The following CTSH variants were observed in gnomAD, a reference collection of about 807,000 sequenced individuals.
CTSH encodes cathepsin H, also known as pro-cathepsin H.
CTSH carries 52 observed loss-of-function variants against 56.3 expected under a neutral mutation model. The observed-to-expected ratio is 0.92, with a 90% CI of 0.74 to 1.16. The LOEUF is 1.16. Among genes scored for constraint, CTSH ranks in the 50% most tolerant of loss-of-function variants. The pLI is 0.00. For missense variants in CTSH, 406 were observed against 424.5 expected (o/e 0.96, Z 0.38); for synonymous variants, 174 against 155.7 (o/e 1.12, Z -0.88).
At chr15:78,924,365 C>T (rs888350531) in intron 10 of CTSH, among the ~76,000 whole-genome samples, 3 of 152,060 alleles carry the variant, frequency 2.0e-5, no homozygotes, top group Non-Finnish European at 4.4e-5. Flanking sequence ...AGGCAGACAG[C>T]TCCCAGTGGA....
intron 4 of CTSH, among the ~76,000 whole-genome samples, 176 bp from the exon 5 acceptor site, chr15:78,935,258 T>G (rs904283744): frequency 8.5e-5 from 13 of 152,162 alleles, no homozygotes; most frequent in African/African-American, 2.9e-4. Flanking sequence ...ACATGTCCCC[T>G]TGAGAGTCCA....
chr15:78,932,075 C>T (rs2055073149), intron 6 of CTSH: 1 of 1,256,952 alleles, frequency 8.0e-7, no homozygotes, highest in Non-Finnish European at 1.0e-6. Flanking sequence ...TGGCTACCCA[C>T]CAGGCAGGCT....
chr15:78,922,337 T>C, intron 11 of CTSH, 132 bp from the exon 12 acceptor site: 1 of 709,010 alleles, frequency 1.4e-6, no homozygotes, highest in South Asian at 1.7e-5. Flanking sequence ...ACAGTAGCAT[T>C]CGGCTTATTT....
intron 1 of CTSH, 174 bp downstream of exon 1, chr15:78,944,717 C>G: frequency 8.0e-7 from 1 of 1,242,918 alleles, no homozygotes; most frequent in Non-Finnish European, 1.0e-6. Flanking sequence ...CTCCGAGAAC[C>G]CCCGCCTATA....
In CTSH at chr15:78,925,416, C is replaced by T; in HGVS notation, c.724G>A (p.Ala242Thr). The T allele has an allele frequency of 6.2e-7, 1 of 1,613,714 alleles. No individual in the cohort carries two copies. The highest frequency in any genetic ancestry group is 8.5e-7 in the Non-Finnish European group (1 of 1,179,636). ...TIYDEEAMVE[A>T]VALYNPVSFA... ...CTCACAGGGTTGTAGAGGGCCACAG[C>T]CTCCACCATCGCTTCCTCGTCATAC... is the stretch of plus-strand genomic sequence containing the variant. Residue 242 changes from alanine to threonine, a missense_variant, in exon 10 of 12, where the codon GCT becomes ACT. Physicochemically the swap from Ala to Thr is moderately conservative, Grantham distance 58. Coordinates refer to ENST00000220166, the MANE Select transcript of CTSH (RefSeq NM_004390.5).
chr15:78,927,335 G>A, intron 9 of CTSH: 1 of 278,052 alleles, frequency 3.6e-6, no homozygotes. Flanking sequence ...TATTGCAACA[G>A]AACCTGGCTC....
intron 6 of CTSH, chr15:78,931,718 AAGC>A: frequency 1.4e-6 from 2 of 1,440,512 alleles, no homozygotes; most frequent in Non-Finnish European, 1.8e-6. Flanking sequence ...GGGGCTCAGT[AAGC>A]AGGGGCAGCC....
chr15:78,934,823 C>A (rs1201485845), intron 5 of CTSH, 155 bp downstream of exon 5: 1 of 709,312 alleles, frequency 1.4e-6, no homozygotes, highest in South Asian at 1.5e-5. Flanking sequence ...ACCTCCCTGG[C>A]CCCTCAAAGG....
chr15:78,925,584 T>C, intron 9 of CTSH, 144 bp from the exon 10 acceptor site: 1 of 598,940 alleles, frequency 1.7e-6, no homozygotes, highest in Non-Finnish European at 3.1e-6. Context: ...CCTCTCTCCC[T>C]TCCTGTCTCT....
At chr15:78,929,001 G>A (rs1167595108) in intron 8 of CTSH, among the ~76,000 whole-genome samples, 1 of 152,010 alleles carries the variant, frequency 6.6e-6, no homozygotes, top group Non-Finnish European at 1.5e-5. Flanking sequence ...GGGAGGCCCA[G>A]CAGCCTTGAT....
rs1395322919 is a variant in CTSH at position 78,929,446 on chromosome 15, AT to A, written c.595del (p.Ile199SerfsTer30). 6.2e-7 allele frequency: 1 copy of A among 1,612,488 alleles called. No individual in the cohort carries two copies. The highest frequency in any genetic ancestry group is 2.2e-5 in the East Asian group (1 of 44,750). On this transcript the variant is annotated frameshift_variant, in exon 8 of 12. Transcript: ENST00000220166. LOFTEE classifies it high-confidence loss of function. ...AFEYILYNKG[I>X]MGEDTYPYQG... ...GTAGGGGTAGGTGTCTTCACCCATG[AT>A]CCCCTTGTTGTACAGGATATACTCG...
rs755265082 is a variant in CTSH, at chr15:78,925,438, A to T, written c.702T>A (p.Tyr234Ter). The T allele has an allele frequency of 1.9e-6, 3 of 1,610,092 alleles. No individual in the cohort carries two copies. The highest frequency in any genetic ancestry group is 1.7e-6 in the Non-Finnish European group (2 of 1,176,422). Residue 234 changes from tyrosine to a stop codon, truncating the protein, a stop_gained and splice_region_variant, in exon 10 of 12, where the codon TAT becomes TAA. Coordinates refer to ENST00000220166, the MANE Select transcript of CTSH (RefSeq NM_004390.5). LOFTEE classifies it high-confidence loss of function. ...CAGCCTCCACCATCGCTTCCTCGTC[A>T]TACTGTGGAAACAGGACCGAGACAG... ...FVKDVANITI[Y>*]DEEAMVEAVA...
chr15:78,927,933 C>T, intron 8 of CTSH, 152 bp from the exon 9 acceptor site: 1 of 684,878 alleles, frequency 1.5e-6, no homozygotes, highest in Middle Eastern at 2.4e-4. Flanking sequence ...TCCTTGTCCT[C>T]AAGGAGCTTA....
intron 1 of CTSH, chr15:78,944,441 C>T (rs1032990875): frequency 6.5e-6 from 1 of 154,790 alleles, no homozygotes; most frequent in African/African-American, 2.4e-5. Flanking sequence ...CCCGTCCAAC[C>T]TACTCTACAG....
intron 3 of CTSH, among the ~76,000 whole-genome samples, chr15:78,936,620 C>T (rs918083556): frequency 2.0e-5 from 3 of 151,316 alleles, no homozygotes; most frequent in Non-Finnish European, 4.4e-5. Flanking sequence ...ATACGCTGGA[C>T]GTGCGTGTGA....
chr15:78,927,819 G>C, intron 8 of CTSH, 38 bp from the exon 9 acceptor site: 2 of 1,576,014 alleles, frequency 1.3e-6, no homozygotes, highest in Non-Finnish European at 1.7e-6. Flanking sequence ...ACAGGTTATG[G>C]ACCCGAAGTC....
chr15:78,922,981 G>A lies in CTSH; in HGVS notation c.932+12C>T, dbSNP rs2054807840. On this transcript the variant is annotated intron_variant, in intron 11 of 11. Transcript: ENST00000220166. Reference sequence around the variant, plus strand: ...ATCCCCCTCCCAGAAGTGGGACCTGGGAGCTGCTTACCCGTTCATTCCCCA... The same window carrying A: ...ATCCCCCTCCCAGAAGTGGGACCTGAGAGCTGCTTACCCGTTCATTCCCCA... 1 of 1,601,918 alleles carries A rather than the reference G, an allele frequency of 6.2e-7. No individual in the cohort carries two copies. The highest frequency in any genetic ancestry group is 1.8e-5 in the Admixed American group (1 of 56,226).
Position 78,925,360 on chromosome 15 carries a change from C to T in CTSH, c.780G>A (p.Met260Ile). Residue 260 changes from methionine (M) to isoleucine (I), a missense_variant, in exon 10 of 12, where the codon ATG (methionine) becomes ATA (isoleucine). By Grantham distance (10) the Met-to-Ile change is conservative. Coordinates refer to ENST00000220166, the MANE Select transcript of CTSH (RefSeq NM_004390.5). Reference protein sequence around the residue: ...SFAFEVTQDFMMYRTGIYSST... With the variant: ...SFAFEVTQDFIMYRTGIYSST... ...TGGAGTAGATGCCGGTTCTATACAT[C>T]ATGAAGTCCTGAGTCACCTCAAAGG... 1 of 1,613,344 alleles carries T rather than the reference C, an allele frequency of 6.2e-7. No homozygotes were observed. The highest frequency in any genetic ancestry group is 8.5e-7 in the Non-Finnish European group (1 of 1,179,302).
chr15:78,922,781 C>T (rs1379629459), intron 11 of CTSH, among the ~76,000 whole-genome samples: 1 of 152,238 alleles, frequency 6.6e-6, no homozygotes, highest in Admixed American at 6.5e-5. Flanking sequence ...CCTGCAGCGT[C>T]CTAAAGACCT....
Sources: gnomAD v4.1 joint callset for allele counts (sites outside exome capture counted in the v4.1 genomes callset) on GRCh38, gnomAD v4.1.1 for gene constraint, MANE v1.5 for transcripts, NCBI Gene and HGNC (gene_info 2026-07-23, HGNC 2026-07-21) for gene names.